Variants in TBC1D19 observed in about 807,000 individuals in gnomAD.
TBC1D19 encodes TBC1 domain family, member 19.
In TBC1D19, 60 loss-of-function variants were observed where a neutral mutation model predicts 89.0. The ratio of observed to expected loss-of-function variants is 0.67; its 90% confidence interval spans 0.55 to 0.84. The LOEUF (loss-of-function observed/expected upper bound fraction) is 0.84. Ranked by LOEUF, TBC1D19 falls within the 40% of genes least tolerant of loss-of-function variation. The pLI is 0.00. For missense variants in TBC1D19, 500 were observed against 610.8 expected, an observed-to-expected ratio of 0.82 and a Z score of 1.91; for synonymous variants, 189 against 199.7, an observed-to-expected ratio of 0.95 and a Z score of 0.45.
At chr4:26,856,131 C>T in the TBC1D19 span, among the ~76,000 whole-genome samples, 1 of 152,210 alleles carries the variant, frequency 6.6e-6, no homozygotes, top group Non-Finnish European at 1.5e-5. Context: ...CCATCCCTCG[C>T]CCCATTCACA....
Position 26,586,170 on chromosome 4 carries a change from G to GTTTTTTTTTTTT in TBC1D19, c.99+1878_99+1879insTTTTTTTTTTTT, listed in dbSNP as rs1560396710. 1.5e-5 allele frequency among the ~76,000 whole-genome samples: 2 copies of GTTTTTTTTTTTT among 135,148 alleles called. 1 individual carries two copies. Among genetic ancestry groups the GTTTTTTTTTTTT allele is most frequent in the Non-Finnish European group, 3.1e-5 (2 of 64,772 alleles). The allele number at this position is 135,148 out of a possible 152,430, so 88.7% of individuals were successfully genotyped here. A position where few individuals can be genotyped will look rare whatever the true frequency, so the allele number is the denominator to read the frequency against. Reference sequence around the variant, plus strand: ...AATTATTGTATATGGTGCAAGGTAAGCTTTTTTTTTTTTTTTTTTGCATAT... The same window carrying GTTTTTTTTTTTT: ...AATTATTGTATATGGTGCAAGGTAAGTTTTTTTTTTTTCTTTTTTTTTTTTTTTTTTGCATAT... On this transcript the variant is annotated intron_variant, in intron 1 of 20. Coordinates refer to ENST00000264866, the MANE Select transcript of TBC1D19 (RefSeq NM_018317.4).
At chr4:26,651,831 A>G (rs867557067) in intron 7 of TBC1D19, among the ~76,000 whole-genome samples, 9 of 152,250 alleles carry the variant, frequency 5.9e-5, no homozygotes, top group South Asian at 4.1e-4. Context: ...TCCATTCAGT[A>G]TGATATTGGC....
intron 19 of TBC1D19, among the ~76,000 whole-genome samples, chr4:26,751,577 T>C (rs1240149956): frequency 3.9e-5 from 6 of 152,242 alleles, no homozygotes; most frequent in Non-Finnish European, 5.9e-5. Context: ...AAATCCTTTG[T>C]TGCAGATCTC....
chr4:26,844,815 T>G, the TBC1D19 span, among the ~76,000 whole-genome samples: 2 of 152,192 alleles, frequency 1.3e-5, no homozygotes, highest in African/African-American at 4.8e-5. Context: ...TGAGAAAGCA[T>G]GAGGAACTCT....
At chr4:26,595,156 A>G (rs1305550779) in intron 1 of TBC1D19, among the ~76,000 whole-genome samples, 1 of 152,136 alleles carries the variant, frequency 6.6e-6, no homozygotes, top group Non-Finnish European at 1.5e-5. Context: ...GTGATATCTT[A>G]TTATTTTAAT....
chr4:26,627,737 G>GT (rs1742521739), intron 4 of TBC1D19, among the ~76,000 whole-genome samples: 1 of 152,056 alleles, frequency 6.6e-6, no homozygotes, highest in African/African-American at 2.4e-5. Flanking sequence ...TGATGGGGTT[G>GT]TTTTTTTCTC....
At chr4:26,588,431 G>T (rs1417841775) in intron 1 of TBC1D19, among the ~76,000 whole-genome samples, 1 of 151,946 alleles carries the variant, frequency 6.6e-6, no homozygotes, top group African/African-American at 2.4e-5. Context: ...CAATCGCTCT[G>T]ATTTTTTTCC....
chr4:26,826,466 A>C, the TBC1D19 span, among the ~76,000 whole-genome samples: 1 of 152,018 alleles, frequency 6.6e-6, no homozygotes, highest in Admixed American at 6.5e-5. Context: ...GGGGGGAAAA[A>C]TAAGTGTCAT....
chr4:26,820,714 A>T, the TBC1D19 span, among the ~76,000 whole-genome samples: 1 of 152,232 alleles, frequency 6.6e-6, no homozygotes, highest in Non-Finnish European at 1.5e-5. Flanking sequence ...TTGCTGGATC[A>T]TATGCTAATT....
In TBC1D19 at chr4:26,753,628, A is replaced by G. The variant is rs568907267; in HGVS notation, c.1436-192A>G. Among the ~76,000 whole-genome samples the G allele has an allele frequency of 3.9e-5, 6 of 152,324 alleles. No individual in the cohort carries two copies. The South Asian group carries it at 1.2e-3, about 32-fold the overall frequency. On this transcript the variant is annotated intron_variant, in intron 19 of 20. Coordinates refer to ENST00000264866, the MANE Select transcript of TBC1D19 (RefSeq NM_018317.4). ...ACTGTGGTATTCAGTTTGTCTGGCCATCAGGCACTGTCCTCTAGAGCAGAC... is the reference window on the plus strand; with the variant it reads ...ACTGTGGTATTCAGTTTGTCTGGCCGTCAGGCACTGTCCTCTAGAGCAGAC...
the TBC1D19 span, among the ~76,000 whole-genome samples, chr4:26,774,116 G>C: frequency 1.8e-4 from 28 of 152,080 alleles, no homozygotes; most frequent in African/African-American, 5.6e-4. Context: ...GAGCCTTTTG[G>C]GGGGCAGGGC....
intron 4 of TBC1D19, among the ~76,000 whole-genome samples, chr4:26,633,246 C>A (rs1434623693): frequency 1.3e-5 from 2 of 152,086 alleles, no homozygotes; most frequent in East Asian, 3.8e-4. Flanking sequence ...ATTGGCAAAT[C>A]TTTTCCATAG....
At chr4:26,849,738 G>A in the TBC1D19 span, among the ~76,000 whole-genome samples, 1 of 152,140 alleles carries the variant, frequency 6.6e-6, no homozygotes, top group Non-Finnish European at 1.5e-5. Context: ...ACAGATAAAT[G>A]AAGATCCTCT....
chr4:26,796,226 A>G, the TBC1D19 span, among the ~76,000 whole-genome samples: 1 of 152,222 alleles, frequency 6.6e-6, no homozygotes, highest in East Asian at 1.9e-4. Context: ...TATATAGAAT[A>G]AGCTTCCAAA....
chr4:26,586,026 G>A (rs553277256), intron 1 of TBC1D19, among the ~76,000 whole-genome samples: 3 of 152,120 alleles, frequency 2.0e-5, no homozygotes, highest in South Asian at 2.1e-4. Context: ...CTAACTCAAG[G>A]TCTTAAAAAA....
At chr4:26,802,750 A>G in the TBC1D19 span, among the ~76,000 whole-genome samples, 1 of 152,238 alleles carries the variant, frequency 6.6e-6, no homozygotes, top group Non-Finnish European at 1.5e-5. Flanking sequence ...TCATATTAAC[A>G]CGGAGAAAAA....
At chr4:26,639,179 G>A (rs1052185310) in intron 6 of TBC1D19, among the ~76,000 whole-genome samples, 1 of 152,126 alleles carries the variant, frequency 6.6e-6, no homozygotes, top group South Asian at 2.1e-4. Context: ...CTCCTGAGTA[G>A]CTAAGACTAC....
At chr4:26,600,740 C>T (rs966562587) in intron 1 of TBC1D19, among the ~76,000 whole-genome samples, 1 of 152,232 alleles carries the variant, frequency 6.6e-6, no homozygotes, top group Non-Finnish European at 1.5e-5. Flanking sequence ...GTGAGAGAAA[C>T]CAGAGCAGGG....
At chr4:26,581,672 G>T (rs775225837), upstream of TBC1D19, among the ~76,000 whole-genome samples, 29 of 152,178 alleles carry the variant, frequency 1.9e-4, no homozygotes, top group Non-Finnish European at 3.7e-4. Context: ...GTGAGACAAT[G>T]ACTTTACAGT....
Sources: allele counts gnomAD v4.1 joint callset (sites outside exome capture counted in the v4.1 genomes callset), GRCh38; gene constraint gnomAD v4.1.1; transcripts MANE v1.5; gene names NCBI Gene and HGNC (gene_info 2026-07-23, HGNC 2026-07-21).